The following PLD5 variants were observed in gnomAD, a reference collection of about 807,000 sequenced individuals.
The protein encoded by PLD5 is phospholipase D family member 5.
In PLD5, 36 loss-of-function variants were observed where a neutral mutation model predicts 61.1. The observed-to-expected ratio is 0.59, with a 90% CI of 0.45 to 0.78. PLD5 has a LOEUF of 0.78. Among genes scored for constraint, PLD5 ranks in the 30% least tolerant of loss-of-function variants. The pLI, the probability that PLD5 is intolerant of heterozygous loss-of-function variation, is 0.00. For synonymous variants in PLD5, 243 were observed against 242.8 expected (o/e 1.00, Z -0.01); for missense variants, 515 against 644.4 (o/e 0.80, Z 2.17).
chr1:242,103,589 T>C (rs1210851816), intron 8 of PLD5, among the ~76,000 whole-genome samples: 1 of 152,200 alleles, frequency 6.6e-6, no homozygotes, highest in Admixed American at 6.5e-5. Context: ...TGAAAAGGTA[T>C]TGAACACAAT....
At chr1:242,476,495 A>G (rs1466554772) in intron 1 of PLD5, among the ~76,000 whole-genome samples, 1 of 152,246 alleles carries the variant, frequency 6.6e-6, no homozygotes, top group African/African-American at 2.4e-5. Flanking sequence ...TAGAATAAGT[A>G]AAAACTGGTA....
At chr1:242,168,632 T>C (rs895548408) in intron 5 of PLD5, among the ~76,000 whole-genome samples, 5 of 152,154 alleles carry the variant, frequency 3.3e-5, no homozygotes, top group African/African-American at 9.7e-5. Flanking sequence ...CCACTGATGA[T>C]ATGCAAACCA....
At chr1:242,410,756 G>A (rs1462049655) in intron 1 of PLD5, among the ~76,000 whole-genome samples, 1 of 152,052 alleles carries the variant, frequency 6.6e-6, no homozygotes, top group Non-Finnish European at 1.5e-5. Context: ...TCATCGCCAA[G>A]CAGGTGACCT....
At chr1:242,527,967 T>C (rs967556576), upstream of PLD5, among the ~76,000 whole-genome samples, 8 of 152,240 alleles carry the variant, frequency 5.3e-5, 1 homozygote, top group Admixed American at 1.3e-4. Context: ...CATTCGCTTC[T>C]TGGGAGCTGG....
chr1:242,163,925 A>G lies in PLD5; in HGVS notation c.736-39260T>C, dbSNP rs1328329080. Among the ~76,000 whole-genome samples, 18 of 149,514 alleles carry G rather than the reference A, an allele frequency of 1.2e-4. 1 individual carries two copies. Among genetic ancestry groups the G allele is most frequent in the Admixed American group, 9.9e-4 (15 of 15,178 alleles). ...AGAGTTATAAAATGTGTGTGTGTGT[A>G]TATATATACATTCCAGCAGATGTGA... is the stretch of plus-strand genomic sequence containing the variant. On this transcript the variant is annotated intron_variant, in intron 5 of 9. Coordinates refer to ENST00000536534, the MANE Select transcript of PLD5 (RefSeq NM_001372062.1).
At chr1:242,223,723 TG>T (rs1377404363) in intron 4 of PLD5, among the ~76,000 whole-genome samples, 1 of 152,210 alleles carries the variant, frequency 6.6e-6, no homozygotes, top group African/African-American at 2.4e-5. Flanking sequence ...TATATATTTT[TG>T]TATATGGTTC....
At chr1:242,433,242 T>A (rs2102892415) in intron 1 of PLD5, among the ~76,000 whole-genome samples, 1 of 152,374 alleles carries the variant, frequency 6.6e-6, no homozygotes, top group East Asian at 1.9e-4. Flanking sequence ...TCAGTTGGTT[T>A]GTTTTGGGGG....
At chr1:242,261,595 CAT>C (rs1343273494) in intron 4 of PLD5, among the ~76,000 whole-genome samples, 2 of 152,104 alleles carry the variant, frequency 1.3e-5, no homozygotes, top group Non-Finnish European at 2.9e-5. Context: ...ATATGAAATA[CAT>C]ATATCCAACA....
intron 4 of PLD5, among the ~76,000 whole-genome samples, chr1:242,244,168 A>T (rs2636249): frequency 6.6e-6 from 1 of 152,100 alleles, no homozygotes; most frequent in Non-Finnish European, 1.5e-5. Flanking sequence ...AAATATTCAC[A>T]AAAGTCATTC....
At chr1:242,176,693 G>A (rs1006238171) in intron 5 of PLD5, among the ~76,000 whole-genome samples, 8 of 152,084 alleles carry the variant, frequency 5.3e-5, no homozygotes, top group African/African-American at 1.9e-4. Context: ...ATCTGACAAA[G>A]GGCTAATATC....
chr1:242,097,767 A>C (rs375846551), intron 9 of PLD5, among the ~76,000 whole-genome samples: 1 of 152,146 alleles, frequency 6.6e-6, no homozygotes, highest in African/African-American at 2.4e-5. Context: ...CCCATTTGTC[A>C]ATTTTGGCAT....
chr1:242,243,825 C>T (rs1672203821), intron 4 of PLD5, among the ~76,000 whole-genome samples: 1 of 152,210 alleles, frequency 6.6e-6, no homozygotes, highest in Non-Finnish European at 1.5e-5. Context: ...GCTGAAAATT[C>T]AGTAGAGCTT....
chr1:242,161,748 T>C (rs775038729), intron 5 of PLD5, among the ~76,000 whole-genome samples: 7 of 147,324 alleles, frequency 4.8e-5, no homozygotes, highest in Non-Finnish European at 9.1e-5. Flanking sequence ...AGAAGTAATA[T>C]ACGTCAAGAA....
chr1:242,210,598 G>A (rs10926645), intron 5 of PLD5: 75,593 of 151,012 alleles, frequency 0.5, 20,361 homozygotes, highest in East Asian at 0.76. Flanking sequence ...TTAAGTGATG[G>A]CATTACCTTG....
At chr1:242,478,663 G>A (rs1032377595) in intron 1 of PLD5, among the ~76,000 whole-genome samples, 1 of 152,166 alleles carries the variant, frequency 6.6e-6, no homozygotes, top group Non-Finnish European at 1.5e-5. Flanking sequence ...TTTGTTCATG[G>A]GAAATTTACT....
intron 5 of PLD5, chr1:242,188,747 G>C (rs74150828): frequency 6.6e-6 from 1 of 152,164 alleles, no homozygotes; most frequent in Non-Finnish European, 1.5e-5. Context: ...AATGAAGAAC[G>C]GTCCTTCTCC....
chr1:242,215,647 C>G (rs149433191), intron 5 of PLD5, among the ~76,000 whole-genome samples: 1 of 152,172 alleles, frequency 6.6e-6, no homozygotes, highest in East Asian at 1.9e-4. Context: ...TCTAGCACAA[C>G]GCATCAAACC....
intron 1 of PLD5, among the ~76,000 whole-genome samples, chr1:242,453,992 T>A (rs2102927756): frequency 6.6e-6 from 1 of 152,260 alleles, no homozygotes; most frequent in African/African-American, 2.4e-5. Flanking sequence ...CGCTGGTGAT[T>A]AGAGACCCTT....
intron 4 of PLD5, among the ~76,000 whole-genome samples, chr1:242,244,159 A>G (rs1353374664): frequency 1.3e-5 from 2 of 152,212 alleles, no homozygotes; most frequent in African/African-American, 2.4e-5. Flanking sequence ...GGATACAGAA[A>G]ATATTCACAA....
Sources: gnomAD v4.1 joint callset for allele counts (sites outside exome capture counted in the v4.1 genomes callset) on GRCh38, gnomAD v4.1.1 for gene constraint, MANE v1.5 for transcripts, NCBI Gene and HGNC (gene_info 2026-07-23, HGNC 2026-07-21) for gene names.